RNF8: variants seen among roughly 807,000 people sequenced by gnomAD.
RNF8 encodes E3 ubiquitin-protein ligase RNF8.
RNF8 carries 8 observed loss-of-function variants against 59.3 expected under a neutral mutation model. That is an observed-to-expected ratio of 0.13 (90% confidence interval 0.08 to 0.24). The LOEUF (loss-of-function observed/expected upper bound fraction) is 0.24, where lower values mean the gene tolerates loss of function less well. Ranked by LOEUF, RNF8 falls within the 10% of genes least tolerant of loss-of-function variation. The probability of loss-of-function intolerance (pLI) is 1.00; values close to 1 mark genes in which losing one functional copy is unlikely to be tolerated. For missense variants in RNF8, 406 were observed against 572.6 expected (o/e 0.71, Z 2.97); for synonymous variants, 162 against 200.0 (o/e 0.81, Z 1.60).
At chr6:37,367,886 C>T (rs1300856455) in intron 2 of RNF8, among the ~76,000 whole-genome samples, 1 of 152,178 alleles carries the variant, frequency 6.6e-6, no homozygotes, top group Non-Finnish European at 1.5e-5. Context: ...ACTATGAACC[C>T]ACATCTGAGT....
chr6:37,369,340 A>G, intron 3 of RNF8, 122 bp downstream of exon 3: 1 of 1,193,268 alleles, frequency 8.4e-7, no homozygotes. Flanking sequence ...AAAGACAGGA[A>G]ATGGAATGGG....
chr6:37,374,706 C>T lies in RNF8; in HGVS notation c.1125C>T (p.Thr375=). The change falls in exon 5 of 8, where the codon ACC becomes ACT. Residue 375 remains threonine (T), a synonymous_variant. Transcript: ENST00000373479. ...CCAAGAACAAAGAATTAGAGCAGACCAAGGTACTGGAAAGAAGATGGAAGT... is the reference window on the plus strand; with the variant it reads ...CCAAGAACAAAGAATTAGAGCAGACTAAGGTACTGGAAAGAAGATGGAAGT... The part of the protein sequence containing the change: ...IQAKNKELEQ[T]KEEKEKMQAQ... 6.2e-7 allele frequency: 1 copy of T among 1,612,058 alleles called. No individual in the cohort carries two copies. The highest frequency in any genetic ancestry group is 8.5e-7 in the Non-Finnish European group (1 of 1,178,302).
chr6:37,356,781 C>CT (rs1489016614), intron 1 of RNF8, among the ~76,000 whole-genome samples: 9 of 152,130 alleles, frequency 5.9e-5, no homozygotes, highest in African/African-American at 1.9e-4. Flanking sequence ...CAGAGTACTC[C>CT]TTCTGTCACC....
chr6:37,391,032 G>T lies in RNF8; in HGVS notation c.*274G>T. The T allele has an allele frequency of 1.7e-6, 1 of 572,856 alleles. No homozygotes were observed. Among genetic ancestry groups the T allele is most frequent in the African/African-American group, 1.9e-5 (1 of 52,822 alleles). 35.5% of individuals were successfully genotyped at this position (572,856 alleles called of 1,614,324 possible). A position where few individuals can be genotyped will look rare whatever the true frequency, so the allele number is the denominator to read the frequency against. On this transcript the variant is annotated 3_prime_UTR_variant, in exon 8 of 8. Coordinates refer to ENST00000373479, the MANE Select transcript of RNF8 (RefSeq NM_003958.4). Reference sequence around the variant, plus strand: ...TCACTACATGTCGAAAGAGTTATTTGAGTTCTCTTCTGTTTTTTTTTAATT... The same window carrying T: ...TCACTACATGTCGAAAGAGTTATTTTAGTTCTCTTCTGTTTTTTTTTAATT...
chr6:37,355,382 C>G (rs1025146574), intron 1 of RNF8, among the ~76,000 whole-genome samples: 1 of 152,184 alleles, frequency 6.6e-6, no homozygotes, highest in Non-Finnish European at 1.5e-5. Context: ...GCCGTACTGC[C>G]TCAATTCAGT....
At chr6:37,378,416 C>G (rs1335937421) in intron 6 of RNF8, among the ~76,000 whole-genome samples, 1 of 152,048 alleles carries the variant, frequency 6.6e-6, no homozygotes, top group Non-Finnish European at 1.5e-5. Flanking sequence ...GCCTGGTCAA[C>G]GTGGCAAAAC....
At chr6:37,389,731 G>T (rs1770651101) in intron 7 of RNF8, among the ~76,000 whole-genome samples, 1 of 152,100 alleles carries the variant, frequency 6.6e-6, no homozygotes, top group Non-Finnish European at 1.5e-5. Context: ...TTTGCTTGAG[G>T]GGTGTCCAGA....
At chr6:37,359,865 T>G (rs1275899460) in intron 1 of RNF8, among the ~76,000 whole-genome samples, 1 of 152,244 alleles carries the variant, frequency 6.6e-6, no homozygotes. Context: ...CAGCAGTCCC[T>G]TCACAGACTC....
chr6:37,389,823 G>A (rs936440889), intron 7 of RNF8, among the ~76,000 whole-genome samples: 1 of 152,186 alleles, frequency 6.6e-6, no homozygotes, highest in Non-Finnish European at 1.5e-5. Flanking sequence ...ACCCTACTTG[G>A]TTCTCTCTCT....
intron 6 of RNF8, 72 bp downstream of exon 6, chr6:37,377,105 T>G (rs886289378): frequency 2.5e-6 from 2 of 784,934 alleles, no homozygotes; most frequent in Non-Finnish European, 3.9e-6. Context: ...AGAGTCTCAC[T>G]CTGTCAACCC....
At chr6:37,385,555 A>G (rs1770460577) in intron 7 of RNF8, among the ~76,000 whole-genome samples, 2 of 151,812 alleles carry the variant, frequency 1.3e-5, no homozygotes, top group African/African-American at 2.4e-5. Flanking sequence ...TGAACCTGGG[A>G]GGCTGAGGTT....
chr6:37,368,655 C>G lies in RNF8; in HGVS notation c.412C>G (p.Pro138Ala). 1.9e-6 allele frequency: 3 copies of G among 1,613,676 alleles called. No homozygotes were observed. Among genetic ancestry groups the G allele is most frequent in the Non-Finnish European group, 2.5e-6 (3 of 1,179,896 alleles). The change falls in exon 3 of 8, where the codon CCA (proline) becomes GCA (alanine). Residue 138 changes from proline to alanine, a missense_variant. Physicochemically the swap from Pro to Ala is conservative, Grantham distance 27. Around this residue, in one of 3 missense-constraint regions of RNF8, gnomAD observed 285 missense variants for 342.0 expected, o/e 0.83. Transcript: ENST00000373479. ...DWETIYPCLS[P>A]KNDQMIEKNK... is the part of the protein sequence containing the mutation. ...GGAGACAATATATCCTTGTCTTTCC[C>G]CAAAGAATGACCAAATGATAGAAAA...
intron 2 of RNF8, among the ~76,000 whole-genome samples, chr6:37,364,499 CT>C (rs1230655808): frequency 1.9e-4 from 29 of 152,128 alleles, no homozygotes; most frequent in Non-Finnish European, 1.8e-4. Context: ...TTAGTAAAGA[CT>C]TTAAAAAATA....
intron 7 of RNF8, among the ~76,000 whole-genome samples, chr6:37,383,380 T>C (rs1425920371): frequency 6.6e-6 from 1 of 152,260 alleles, no homozygotes; most frequent in African/African-American, 2.4e-5. Context: ...AATTGAAAGC[T>C]GGTTTAATCC....
Position 37,369,237 on chromosome 6 carries a change from G to A in RNF8, c.975+19G>A. 1 of 1,580,902 alleles carries A rather than the reference G, an allele frequency of 6.3e-7. No individual in the cohort carries two copies. The highest frequency in any genetic ancestry group is 1.2e-5 in the South Asian group (1 of 86,646). On this transcript the variant is annotated intron_variant, in intron 3 of 7. Transcript: ENST00000373479. ...TCTTCAGGTACCACACAGAAGGGAA[G>A]GGCAAGAGTGGTCTTCAGGGGTGGG...
Position 37,368,448 on chromosome 6 carries a change from A to G in RNF8, c.241-36A>G, listed in dbSNP as rs754506703. 5.6e-6 allele frequency: 9 copies of G among 1,614,116 alleles called. No individual in the cohort carries two copies. The Admixed American group carries it at 1.2e-4, about 21-fold the overall frequency. The stretch of plus-strand genomic sequence containing the variant: ...AGATTCCTTTAAGAAGACGAAAATC[A>G]TGAAGCTTATTTCTTCTTTCTTTCA... On this transcript the variant is annotated intron_variant, in intron 2 of 7. Coordinates refer to ENST00000373479, the MANE Select transcript of RNF8 (RefSeq NM_003958.4).
intron 5 of RNF8, 24 bp from the exon 6 acceptor site, chr6:37,376,902 C>T (rs1770040850): frequency 6.5e-7 from 1 of 1,546,964 alleles, no homozygotes; most frequent in Non-Finnish European, 8.9e-7. Context: ...CTCTGAATGA[C>T]AGGTAGGATT....
chr6:37,383,448 C>A (rs1371524084), intron 7 of RNF8, among the ~76,000 whole-genome samples: 3 of 152,204 alleles, frequency 2.0e-5, no homozygotes, highest in Non-Finnish European at 4.4e-5. Context: ...CTAGGATTGG[C>A]AAGCCTGTAA....
Position 37,359,717 on chromosome 6 carries a change from A to C in RNF8, c.112-729A>C, listed in dbSNP as rs141399372. Among the ~76,000 whole-genome samples the C allele has an allele frequency of 7.8e-4, 119 of 152,352 alleles. 2 individuals carry two copies. The highest frequency in any genetic ancestry group is 2.7e-3 in the African/African-American group (111 of 41,592). Reference sequence around the variant, plus strand: ...TTCGAGGATACACTGGCAGTGTACTAGATCTGCTATGAAAGCTAATGCAAT... The same window carrying C: ...TTCGAGGATACACTGGCAGTGTACTCGATCTGCTATGAAAGCTAATGCAAT... On this transcript the variant is annotated intron_variant, in intron 1 of 7. Transcript: ENST00000373479.
Sources: gnomAD v4.1 joint callset for allele counts (sites outside exome capture counted in the v4.1 genomes callset) on GRCh38, gnomAD v4.1.1 for gene constraint, gnomAD v4.1.1 regional missense constraint, MANE v1.5 for transcripts, NCBI Gene and HGNC (gene_info 2026-07-23, HGNC 2026-07-21) for gene names.